RASGRP3: variants seen among roughly 807,000 people sequenced by gnomAD.
RASGRP3 encodes the protein RAS guanyl releasing protein 3, also known as ras guanyl-releasing protein 3.
Under a neutral mutation model 82.7 loss-of-function variants are expected in RASGRP3, and 54 were observed. The observed-to-expected ratio is 0.65, with a 90% CI of 0.52 to 0.82. RASGRP3 has a LOEUF of 0.82. RASGRP3 is among the 40% of genes least tolerant of loss of function. RASGRP3 has a pLI of 0.00. For missense variants in RASGRP3, 861 were observed against 828.9 expected, an observed-to-expected ratio of 1.04 and a Z score of -0.48; for synonymous variants, 309 against 300.5, an observed-to-expected ratio of 1.03 and a Z score of -0.29.
intron 12 of RASGRP3, chr2:33,539,460 C>T (rs894552681): frequency 2.9e-6 from 1 of 348,394 alleles, no homozygotes; most frequent in African/African-American, 2.1e-5. Flanking sequence ...CTTTCACAGG[C>T]ATTTGCCACC....
chr2:33,463,451 G>A (rs1324852523), intron 2 of RASGRP3, among the ~76,000 whole-genome samples: 2 of 152,146 alleles, frequency 1.3e-5, no homozygotes, highest in Non-Finnish European at 2.9e-5. Context: ...AACTGAAAGG[G>A]GAAGATGATT....
At chr2:33,476,882 C>G (rs1253233819) in intron 1 of RASGRP3, among the ~76,000 whole-genome samples, 175 bp downstream of exon 1, 1 of 151,174 alleles carries the variant, frequency 6.6e-6, no homozygotes, top group Non-Finnish European at 1.5e-5. Context: ...CTGTTAACAG[C>G]CATTGGTGTT....
chr2:33,520,867 T>C (rs1671966810), intron 6 of RASGRP3, among the ~76,000 whole-genome samples, 183 bp downstream of exon 6: 1 of 152,204 alleles, frequency 6.6e-6, no homozygotes, highest in African/African-American at 2.4e-5. Context: ...AGCTTCAGTT[T>C]TTTTTATTTG....
intron 11 of RASGRP3, among the ~76,000 whole-genome samples, chr2:33,535,721 T>C (rs1673540256): frequency 6.6e-6 from 1 of 152,226 alleles, no homozygotes; most frequent in Non-Finnish European, 1.5e-5. Flanking sequence ...CGTGGGATGA[T>C]ATGGCACATG....
intron 13 of RASGRP3, 22 bp downstream of exon 13, chr2:33,543,649 T>G: frequency 6.8e-7 from 1 of 1,479,928 alleles, no homozygotes; most frequent in Non-Finnish European, 9.3e-7. Context: ...TTTTGTTTTA[T>G]TTTAATGCAA....
chr2:33,476,173 CTG>C (rs1293484163), upstream of RASGRP3: 1 of 152,252 alleles, frequency 6.6e-6, no homozygotes, highest in African/African-American at 2.4e-5. Context: ...GTCTAACAAA[CTG>C]GAGCCTGAGA....
intron 1 of RASGRP3, among the ~76,000 whole-genome samples, chr2:33,501,435 A>G (rs1483847730): frequency 6.6e-6 from 1 of 152,226 alleles, no homozygotes; most frequent in Non-Finnish European, 1.5e-5. Flanking sequence ...GCTAGATCAT[A>G]TGATAACTCT....
At chr2:33,446,936 G>A (rs1665531757) in intron 1 of RASGRP3, among the ~76,000 whole-genome samples, 1 of 151,970 alleles carries the variant, frequency 6.6e-6, no homozygotes, top group Non-Finnish European at 1.5e-5. Context: ...GAGGTCAGGA[G>A]ATGGAAACCA....
At chr2:33,444,822 T>G (rs1441550306) in intron 1 of RASGRP3, among the ~76,000 whole-genome samples, 1 of 152,174 alleles carries the variant, frequency 6.6e-6, no homozygotes, top group African/African-American at 2.4e-5. Flanking sequence ...TTATCCAAAT[T>G]TGAAATCTGG....
chr2:33,468,046 CTCTT>C (rs1666827960), intron 2 of RASGRP3, among the ~76,000 whole-genome samples: 2 of 67,264 alleles, frequency 3.0e-5, no homozygotes, highest in Non-Finnish European at 6.0e-5. Flanking sequence ...CTTTCTTTCT[CTCTT>C]AGTGTACATG....
intron 1 of RASGRP3, among the ~76,000 whole-genome samples, chr2:33,508,518 A>C (rs927748764): frequency 6.6e-6 from 1 of 152,186 alleles, no homozygotes; most frequent in Non-Finnish European, 1.5e-5. Flanking sequence ...GAGACCCCCC[A>C]AAAAGGGCAT....
chr2:33,546,980 G>T (rs185878033), intron 13 of RASGRP3, among the ~76,000 whole-genome samples: 124 of 149,738 alleles, frequency 8.3e-4, no homozygotes, highest in Non-Finnish European at 1.5e-3. Context: ...ACCCAAGAGG[G>T]AGAGGTTGTG....
intron 2 of RASGRP3, among the ~76,000 whole-genome samples, chr2:33,514,527 A>AC (rs869257701): frequency 2.0e-5 from 3 of 146,626 alleles, no homozygotes; most frequent in Admixed American, 6.9e-5. Context: ...AAAAAAAAAA[A>AC]CCCAAAAAAT....
chr2:33,452,608 T>C (rs139940262), intron 2 of RASGRP3, among the ~76,000 whole-genome samples: 1 of 152,172 alleles, frequency 6.6e-6, no homozygotes, highest in East Asian at 1.9e-4. Flanking sequence ...GTCCATGAGA[T>C]GGACCTTGAG....
At chr2:33,455,110 C>T (rs1006904091) in intron 2 of RASGRP3, among the ~76,000 whole-genome samples, 13 of 152,138 alleles carry the variant, frequency 8.5e-5, no homozygotes, top group African/African-American at 3.1e-4. Context: ...GCTTCTCACC[C>T]TCTTCTATAG....
In RASGRP3 at chr2:33,500,475, G is replaced by A. The variant is rs561457034; in HGVS notation, c.-260-11235G>A. On this transcript the variant is annotated intron_variant, in intron 1 of 17. Coordinates refer to ENST00000403687, the MANE Select transcript of RASGRP3 (RefSeq NM_001139488.2). ...GCGGTGGAGATGAAGGGCAGTGGGC[G>A]AGGAGAAGAAACAACTGGGAAGTAG... 5.3e-5 allele frequency among the ~76,000 whole-genome samples: 8 copies of A among 152,182 alleles called. 1 individual carries two copies. In the South Asian group the frequency reaches 1.5e-3, roughly 28 times the overall value.
intron 1 of RASGRP3, among the ~76,000 whole-genome samples, chr2:33,480,167 T>A (rs35429832): frequency 6.6e-6 from 1 of 150,988 alleles, no homozygotes; most frequent in African/African-American, 2.4e-5. Flanking sequence ...CTCAGCCTCC[T>A]GAGTAGCTGG....
intron 1 of RASGRP3, among the ~76,000 whole-genome samples, chr2:33,502,493 TTTTCTTTC>T (rs1363780992): frequency 3.3e-4 from 46 of 138,336 alleles, no homozygotes; most frequent in African/African-American, 1.2e-3. Flanking sequence ...CTCTTTCTTT[TTTTCTTTC>T]TTTTTTTTTT....
intron 13 of RASGRP3, among the ~76,000 whole-genome samples, chr2:33,547,786 G>C (rs1674945766): frequency 6.6e-6 from 1 of 152,094 alleles, no homozygotes. Flanking sequence ...CTACATGCAG[G>C]CATTGAAAGG....
Sources: gnomAD v4.1 joint callset for allele counts (sites outside exome capture counted in the v4.1 genomes callset) on GRCh38, gnomAD v4.1.1 for gene constraint, MANE v1.5 for transcripts, NCBI Gene and HGNC (gene_info 2026-07-23, HGNC 2026-07-21) for gene names.